FMNL2: variants seen among roughly 807,000 people sequenced by gnomAD.
The protein encoded by FMNL2 is formin-like protein 2.
FMNL2 carries 51 observed loss-of-function variants against 130.2 expected under a neutral mutation model. The observed-to-expected ratio is 0.39, with a 90% confidence interval of 0.31 to 0.49. FMNL2 has a LOEUF of 0.49. Among genes scored for constraint, FMNL2 ranks in the 20% least tolerant of loss-of-function variants. The probability of loss-of-function intolerance (pLI) is 0.85; values close to 1 mark genes in which losing one functional copy is unlikely to be tolerated. For synonymous variants in FMNL2, 465 were observed against 467.1 expected, an observed-to-expected ratio of 1.00 and a Z score of 0.06; for missense variants, 977 against 1,316.2, an observed-to-expected ratio of 0.74 and a Z score of 3.99.
chr2:152,525,981 GT>G (rs1257520032), intron 2 of FMNL2, among the ~76,000 whole-genome samples: 2 of 152,130 alleles, frequency 1.3e-5, no homozygotes, highest in Non-Finnish European at 2.9e-5. Context: ...AGAAGGGCAG[GT>G]TTTTTACTGG....
chr2:152,513,912 G>A (rs1020173488), intron 1 of FMNL2, among the ~76,000 whole-genome samples: 1 of 152,182 alleles, frequency 6.6e-6, no homozygotes, highest in African/African-American at 2.4e-5. Context: ...GGCTGCCTGA[G>A]ACCTGTGCCA....
chr2:152,560,161 C>CTT (rs201288912), intron 5 of FMNL2, among the ~76,000 whole-genome samples: 9 of 138,372 alleles, frequency 6.5e-5, no homozygotes, highest in East Asian at 6.2e-4. Context: ...AATACAATTT[C>CTT]TTTTTTTTTT....
chr2:152,560,945 G>T lies in FMNL2; in HGVS notation c.506G>T (p.Ser169Ile). The T allele has an allele frequency of 7.0e-7, 1 of 1,431,956 alleles. No individual in the cohort carries two copies. Among genetic ancestry groups the T allele is most frequent in the Non-Finnish European group, 9.2e-7 (1 of 1,088,730 alleles). 88.7% of individuals were successfully genotyped at this position (1,431,956 alleles called of 1,614,324 possible). A position where few individuals can be genotyped will look rare whatever the true frequency, so the allele number is the denominator to read the frequency against. The change falls in exon 6 of 26, where the codon AGT (serine) becomes ATT (isoleucine). Residue 169 changes from serine to isoleucine, a missense_variant. By Grantham distance (142) the Ser-to-Ile change is moderately radical. Coordinates refer to ENST00000288670, the MANE Select transcript of FMNL2 (RefSeq NM_052905.4). ...TCGGTGGACAAATCAAAGCCCTGGA[G>T]TAGGTCCATCGAGGACCTGCACAGA... ...ESSVDKSKPW[S>I]RSIEDLHRGS...
At chr2:152,512,395 T>C (rs1692537237) in intron 1 of FMNL2, among the ~76,000 whole-genome samples, 1 of 152,188 alleles carries the variant, frequency 6.6e-6, no homozygotes, top group Non-Finnish European at 1.5e-5. Flanking sequence ...TTTCCATCTA[T>C]TAGATGTTGA....
Position 152,626,590 on chromosome 2 carries a change from T to C in FMNL2, c.2028T>C (p.Leu676=). The change falls in exon 17 of 26, where the codon CTT becomes CTC. Residue 676 remains leucine, a synonymous_variant. Coordinates refer to ENST00000288670, the MANE Select transcript of FMNL2 (RefSeq NM_052905.4). ...AAGCCCAAGGACCTGCCATTGATCT[T>C]TCTTCAAGCAAACAGAAGATACCAC... is the stretch of plus-strand genomic sequence containing the variant. ...KTKAQGPAID[L]SSSKQKIPQK... is the part of the protein sequence containing the mutation. 4 of 1,612,750 alleles carry C rather than the reference T, an allele frequency of 2.5e-6. No homozygotes were observed. In the Middle Eastern group the frequency reaches 5.0e-4, roughly 200 times the overall value.
At chr2:152,454,742 A>T (rs1179478935) in intron 1 of FMNL2, among the ~76,000 whole-genome samples, 1 of 152,156 alleles carries the variant, frequency 6.6e-6, no homozygotes, top group Non-Finnish European at 1.5e-5. Flanking sequence ...GAATGATTGG[A>T]CCTTTCATCA....
At chr2:152,482,374 A>G (rs1690572547) in intron 1 of FMNL2, among the ~76,000 whole-genome samples, 1 of 152,174 alleles carries the variant, frequency 6.6e-6, no homozygotes, top group South Asian at 2.1e-4. Flanking sequence ...TTCCATTCAT[A>G]TGTGAAATAG....
rs890301924 is a variant in FMNL2, at chr2:152,482,265, A to T, written c.118-39678A>T. Reference sequence around the variant, plus strand: ...GGAACTGTGTATTTTTTTCTACCACATGAATCTTTTTTAGAAGAGGGGATT... The same window carrying T: ...GGAACTGTGTATTTTTTTCTACCACTTGAATCTTTTTTAGAAGAGGGGATT... On this transcript the variant is annotated intron_variant, in intron 1 of 25. Transcript: ENST00000288670. Among the ~76,000 whole-genome samples, 62 of 152,344 alleles carry T rather than the reference A, an allele frequency of 4.1e-4. 1 individual carries two copies. Among genetic ancestry groups the T allele is most frequent in the African/African-American group, 1.4e-3 (60 of 41,596 alleles).
intron 18 of FMNL2, among the ~76,000 whole-genome samples, chr2:152,628,780 G>T (rs745879151): frequency 9.9e-5 from 15 of 152,162 alleles, no homozygotes; most frequent in Non-Finnish European, 1.9e-4. Context: ...TGTGTCTACA[G>T]ATGTTCTCTA....
chr2:152,490,285 G>T (rs1691076843), intron 1 of FMNL2, among the ~76,000 whole-genome samples: 1 of 151,828 alleles, frequency 6.6e-6, no homozygotes, highest in South Asian at 2.1e-4. Context: ...TGGGGGGAGT[G>T]GGAGAGGTTT....
intron 1 of FMNL2, among the ~76,000 whole-genome samples, chr2:152,473,239 C>G (rs1181137139): frequency 6.6e-6 from 1 of 152,148 alleles, no homozygotes; most frequent in Non-Finnish European, 1.5e-5. Context: ...TGGGGTCTCA[C>G]TCTGTCTGCC....
chr2:152,619,552 G>GCCACCCCCCCCT lies in FMNL2; in HGVS notation c.1673_1674insACCCCCCCCTCC (p.Pro570_Pro573dup). On this transcript the variant is annotated inframe_insertion, in exon 15 of 26. Coordinates refer to ENST00000288670, the MANE Select transcript of FMNL2 (RefSeq NM_052905.4). ...CACCACCTATGCCACCGCCGCCGCC[G>GCCACCCCCCCCT]CCCCCTCCTCCACCTCCTCCTCCCC... The GCCACCCCCCCCT allele has an allele frequency of 7.1e-7, 1 of 1,417,704 alleles. No individual in the cohort carries two copies. Among genetic ancestry groups the GCCACCCCCCCCT allele is most frequent in the Non-Finnish European group, 9.4e-7 (1 of 1,062,478 alleles). 87.8% of individuals were successfully genotyped at this position (1,417,704 alleles called of 1,614,324 possible).
intron 1 of FMNL2, among the ~76,000 whole-genome samples, chr2:152,452,941 T>C (rs576521356): frequency 2.0e-5 from 3 of 152,254 alleles, no homozygotes; most frequent in South Asian, 4.1e-4. Flanking sequence ...CGGTGGCTTA[T>C]GCCTGTAATC....
chr2:152,536,547 A>G (rs1694004466), intron 2 of FMNL2, among the ~76,000 whole-genome samples: 1 of 152,242 alleles, frequency 6.6e-6, no homozygotes, highest in Admixed American at 6.5e-5. Flanking sequence ...AATTGTTACT[A>G]TCTAAAATGA....
chr2:152,461,535 CA>C (rs1472096208), intron 1 of FMNL2, among the ~76,000 whole-genome samples: 1 of 152,092 alleles, frequency 6.6e-6, no homozygotes, highest in Non-Finnish European at 1.5e-5. Flanking sequence ...AAAAGTTTTT[CA>C]ATAACTGAGT....
chr2:152,439,873 A>G (rs184605170), intron 1 of FMNL2, among the ~76,000 whole-genome samples: 1 of 150,758 alleles, frequency 6.6e-6, no homozygotes, highest in East Asian at 1.9e-4. Flanking sequence ...AATTATAGCC[A>G]TATAGCAGGT....
At chr2:152,348,657 T>C (rs1231374374) in intron 1 of FMNL2, among the ~76,000 whole-genome samples, 1 of 152,196 alleles carries the variant, frequency 6.6e-6, no homozygotes, top group Non-Finnish European at 1.5e-5. Flanking sequence ...GGCATCATGC[T>C]TCCCTGACTC....
intron 12 of FMNL2, among the ~76,000 whole-genome samples, chr2:152,615,469 A>G (rs1031107823): frequency 5.9e-5 from 9 of 152,180 alleles, no homozygotes; most frequent in African/African-American, 2.2e-4. Flanking sequence ...TAATAGAGTC[A>G]TTTCAACAAT....
chr2:152,557,984 C>T (rs1300441702), intron 4 of FMNL2, among the ~76,000 whole-genome samples: 2 of 152,136 alleles, frequency 1.3e-5, no homozygotes, highest in African/African-American at 4.8e-5. Context: ...TTACATCCAT[C>T]TCCCTAAAGA....
Sources: allele counts gnomAD v4.1 joint callset (sites outside exome capture counted in the v4.1 genomes callset), GRCh38; gene constraint gnomAD v4.1.1; transcripts MANE v1.5; gene names NCBI Gene and HGNC (gene_info 2026-07-23, HGNC 2026-07-21).